The following JMJD1C variants were observed in gnomAD, a reference collection of about 807,000 sequenced individuals.
JMJD1C encodes jumonji domain-containing protein 1C.
In JMJD1C, 31 loss-of-function variants were observed where a neutral mutation model predicts 245.3. That is an observed-to-expected ratio of 0.13 (90% CI 0.09 to 0.17). JMJD1C has a LOEUF of 0.17. JMJD1C is among the 10% of genes least tolerant of loss of function. The pLI, the probability that JMJD1C is intolerant of heterozygous loss-of-function variation, is 1.00. For missense variants in JMJD1C, 2,691 were observed against 3,000.2 expected (o/e 0.90, Z 2.41); for synonymous variants, 1,057 against 1,017.4 (o/e 1.04, Z -0.74).
intron 1 of JMJD1C, among the ~76,000 whole-genome samples, chr10:63,510,125 C>A (rs1433279906): frequency 6.6e-6 from 1 of 151,922 alleles, no homozygotes; most frequent in Non-Finnish European, 1.5e-5. Context: ...GCCTCGGCAC[C>A]CCCAAGTAGC....
chr10:63,237,154 C>A (rs1850833705), intron 3 of JMJD1C, among the ~76,000 whole-genome samples: 1 of 152,136 alleles, frequency 6.6e-6, no homozygotes, highest in East Asian at 1.9e-4. Context: ...TCTCCTGCCT[C>A]AGCCTCCCGA....
intron 2 of JMJD1C, among the ~76,000 whole-genome samples, chr10:63,370,346 C>T (rs1419246447): frequency 6.6e-6 from 1 of 152,220 alleles, no homozygotes; most frequent in African/African-American, 2.4e-5. Context: ...TCAAAGTGTA[C>T]ACCTATCTAA....
chr10:63,389,452 T>A (rs1272549166), intron 1 of JMJD1C, among the ~76,000 whole-genome samples: 3 of 147,382 alleles, frequency 2.0e-5, no homozygotes, highest in Non-Finnish European at 3.0e-5. Flanking sequence ...TTCTTTTTTT[T>A]TTCCTTTTTT....
intron 10 of JMJD1C, chr10:63,205,097 T>C (rs1171235354): frequency 2.5e-6 from 2 of 804,750 alleles, no homozygotes; most frequent in Non-Finnish European, 3.0e-6. Flanking sequence ...AAACACTTTA[T>C]AGTGAATATT....
intron 11 of JMJD1C, 105 bp from the exon 12 acceptor site, chr10:63,198,832 A>G: frequency 3.4e-6 from 2 of 588,074 alleles, no homozygotes; most frequent in African/African-American, 1.9e-5. Flanking sequence ...ATTATAAAAT[A>G]TGAATTACAT....
intron 16 of JMJD1C, 50 bp downstream of exon 16, chr10:63,192,888 A>G: frequency 7.7e-7 from 1 of 1,290,436 alleles, no homozygotes; most frequent in Non-Finnish European, 1.1e-6. Flanking sequence ...ATTGTTGGTT[A>G]GTTATACTAT....
intron 3 of JMJD1C, among the ~76,000 whole-genome samples, chr10:63,261,434 A>G (rs1205315519): frequency 6.6e-6 from 1 of 152,134 alleles, no homozygotes; most frequent in East Asian, 1.9e-4. Flanking sequence ...TACAAATATT[A>G]GCTGGGAGTG....
chr10:63,452,169 G>A (rs552375887), intron 1 of JMJD1C, among the ~76,000 whole-genome samples: 1 of 152,138 alleles, frequency 6.6e-6, no homozygotes, highest in Non-Finnish European at 1.5e-5. Flanking sequence ...CCACAGAATA[G>A]AGAATATATC....
At chr10:63,380,874 A>G (rs1947159306) in intron 1 of JMJD1C, among the ~76,000 whole-genome samples, 1 of 152,202 alleles carries the variant, frequency 6.6e-6, no homozygotes, top group South Asian at 2.1e-4. Flanking sequence ...TCCTCAAAAC[A>G]CTATAAGTAG....
rs181893745 is a variant in JMJD1C at position 63,411,385 on chromosome 10, G to A, written c.169-30903C>T. On this transcript the variant is annotated intron_variant, in intron 1 of 25. Transcript: ENST00000399262. ...CCAATCTTGGCTCACTGCAACCTCC[G>A]CCTCCCGGGGTCAAGCGATTCTCCT... 1.6e-4 allele frequency among the ~76,000 whole-genome samples: 22 copies of A among 140,172 alleles called. 1 individual carries two copies. The highest frequency in any genetic ancestry group is 2.9e-4 in the Non-Finnish European group (19 of 66,462). 92.0% of individuals were successfully genotyped at this position (140,172 alleles called of 152,430 possible).
intron 2 of JMJD1C, among the ~76,000 whole-genome samples, chr10:63,349,125 A>AAAAAAAAAAAAC: frequency 6.7e-6 from 1 of 149,446 alleles, no homozygotes; most frequent in Non-Finnish European, 1.5e-5. Context: ...AAAAAAAAAA[A>AAAAAAAAAAAAC]AGCCTTCCCT....
At chr10:63,458,710 T>C (rs1057088871) in intron 1 of JMJD1C, among the ~76,000 whole-genome samples, 5 of 38,138 alleles carry the variant, frequency 1.3e-4, no homozygotes, top group African/African-American at 6.9e-4. Flanking sequence ...AAGTTAAATA[T>C]AGCTTTTTTT....
chr10:63,168,617 A>ATT, intron 24 of JMJD1C, 51 bp from the exon 25 acceptor site: 1 of 1,488,626 alleles, frequency 6.7e-7, no homozygotes, highest in Non-Finnish European at 8.9e-7. Flanking sequence ...GGTGGAGCAA[A>ATT]GAAAAGCCAA....
intron 2 of JMJD1C, among the ~76,000 whole-genome samples, chr10:63,278,655 C>T (rs1265109358): frequency 1.3e-5 from 2 of 151,714 alleles, no homozygotes; most frequent in African/African-American, 4.8e-5. Flanking sequence ...GCCTGACCAA[C>T]ATGGAGAAAT....
intron 3 of JMJD1C, among the ~76,000 whole-genome samples, chr10:63,233,563 G>C (rs1372723410): frequency 6.6e-6 from 1 of 151,800 alleles, no homozygotes; most frequent in Non-Finnish European, 1.5e-5. Context: ...TTATGTCCTG[G>C]AATTAAAATA....
In JMJD1C at chr10:63,215,392, G is replaced by A. The variant is rs969681579; in HGVS notation, c.886C>T (p.Pro296Ser). The A allele has an allele frequency of 1.2e-6, 2 of 1,614,000 alleles. No individual in the cohort carries two copies. The highest frequency in any genetic ancestry group is 3.3e-5 in the Admixed American group (2 of 59,990). Residue 296 changes from proline (P) to serine (S), a missense_variant, in exon 7 of 26, where the codon CCA becomes TCA. Around this residue, in one of 9 missense-constraint regions of JMJD1C, gnomAD observed 1,562 missense variants for 1,490.7 expected, o/e 1.05. Transcript: ENST00000399262. ...TGTTGCTGGTGTGTATTCTGTTTTG[G>A]TACAGCAGCTTGGGAGTTCATTGCT... ...RPAMNSQAAVPKQNTHQQQQQ... is the reference protein window; with the variant it reads ...RPAMNSQAAVSKQNTHQQQQQ...
intron 1 of JMJD1C, among the ~76,000 whole-genome samples, chr10:63,391,758 T>C (rs1297149319): frequency 1.3e-5 from 2 of 152,112 alleles, no homozygotes; most frequent in Non-Finnish European, 2.9e-5. Context: ...CTTATCAAAA[T>C]ACCAACATCA....
chr10:63,415,117 T>A (rs1165284446), intron 1 of JMJD1C, among the ~76,000 whole-genome samples: 1 of 152,204 alleles, frequency 6.6e-6, no homozygotes, highest in African/African-American at 2.4e-5. Context: ...GTTAACAGTA[T>A]GACTTTGTGT....
At chr10:63,415,221 C>T (rs187291938) in intron 1 of JMJD1C, among the ~76,000 whole-genome samples, 9 of 151,972 alleles carry the variant, frequency 5.9e-5, no homozygotes, top group African/African-American at 9.7e-5. Context: ...ACAGGTACTA[C>T]GTATCAGATA....
Sources: gnomAD v4.1 joint callset for allele counts (sites outside exome capture counted in the v4.1 genomes callset) on GRCh38, gnomAD v4.1.1 for gene constraint, gnomAD v4.1.1 regional missense constraint, MANE v1.5 for transcripts, NCBI Gene and HGNC (gene_info 2026-07-23, HGNC 2026-07-21) for gene names.